CHL1: variants seen among roughly 807,000 people sequenced by gnomAD.
The protein encoded by CHL1 is cell adhesion molecule L1 like.
Under a neutral mutation model 141.9 loss-of-function variants are expected in CHL1, and 96 were observed. The ratio of observed to expected loss-of-function variants is 0.68; its 90% CI spans 0.57 to 0.80. The LOEUF (loss-of-function observed/expected upper bound fraction) is 0.80. Among genes scored for constraint, CHL1 ranks in the 30% least tolerant of loss-of-function variants. The pLI is 0.00. For missense variants in CHL1, 1,820 were observed against 1,457.2 expected, an observed-to-expected ratio of 1.25 and a Z score of -4.05; for synonymous variants, 613 against 502.2, an observed-to-expected ratio of 1.22 and a Z score of -2.95.
At chr3:285,778 T>C (rs1697073509) in intron 2 of CHL1, among the ~76,000 whole-genome samples, 1 of 152,130 alleles carries the variant, frequency 6.6e-6, no homozygotes, top group Admixed American at 6.5e-5. Flanking sequence ...CCCTCAGAAG[T>C]GACCTAAAAC....
intron 1 of CHL1, among the ~76,000 whole-genome samples, chr3:215,453 A>G (rs568719889): frequency 5.3e-5 from 8 of 152,330 alleles, no homozygotes; most frequent in African/African-American, 1.9e-4. Context: ...TAAAATTACA[A>G]TTAGACAGGA....
intron 1 of CHL1, among the ~76,000 whole-genome samples, chr3:236,862 T>TA (rs568637185): frequency 3.1e-4 from 44 of 141,412 alleles, no homozygotes; most frequent in Middle Eastern, 3.5e-3. Context: ...AGAGAGTTTT[T>TA]AAAAAATAAT....
rs554950358 is a variant in CHL1, at chr3:369,666, G to A, written c.1751+3551G>A. Among the ~76,000 whole-genome samples the A allele has an allele frequency of 2.6e-5, 4 of 152,280 alleles. No individual in the cohort carries two copies. The South Asian group carries it at 8.3e-4, about 32-fold the overall frequency. On this transcript the variant is annotated intron_variant, in intron 15 of 27. Coordinates refer to ENST00000256509, the MANE Select transcript of CHL1 (RefSeq NM_006614.4). Reference sequence around the variant, plus strand: ...AGGAGTGGTGAGAGAGGGCATCCTTGTCTTGTACTAGTTTGCCAAGGGAAT... The same window carrying A: ...AGGAGTGGTGAGAGAGGGCATCCTTATCTTGTACTAGTTTGCCAAGGGAAT...
chr3:395,358 C>A lies in CHL1; in HGVS notation c.3094+486C>A, dbSNP rs150928063. Reference sequence around the variant, plus strand: ...CTGTCTGATGATGGATGCCAAGCAACTGTCTGGGAAATGGCTTATAAATGT... The same window carrying A: ...CTGTCTGATGATGGATGCCAAGCAAATGTCTGGGAAATGGCTTATAAATGT... On this transcript the variant is annotated intron_variant, in intron 24 of 27. Transcript: ENST00000256509. Among the ~76,000 whole-genome samples, 268 of 152,302 alleles carry A rather than the reference C, an allele frequency of 1.8e-3. 1 individual carries two copies. Among genetic ancestry groups the A allele is most frequent in the African/African-American group, 5.6e-3 (234 of 41,568 alleles).
Position 332,628 on chromosome 3 carries a change from A to G in CHL1, c.385+4274A>G, listed in dbSNP as rs1194186895. 3.9e-5 allele frequency among the ~76,000 whole-genome samples: 6 copies of G among 152,268 alleles called. No homozygotes were observed. In the East Asian group the frequency reaches 1.2e-3, roughly 29 times the overall value. ...AAGTGGACATTTCTGAGTTACTGAG[A>G]TATTTTAGAATCAGACCAGTGACAT... On this transcript the variant is annotated intron_variant, in intron 5 of 27. Transcript: ENST00000256509.
At chr3:389,611 A>AT (rs1163444311) in intron 20 of CHL1, 137 bp downstream of exon 20, 2 of 656,506 alleles carry the variant, frequency 3.0e-6, no homozygotes, top group Non-Finnish European at 5.3e-6. Flanking sequence ...AAAAACAAAT[A>AT]TAACACATGA....
At chr3:381,284 G>C (rs935386644) in intron 16 of CHL1, among the ~76,000 whole-genome samples, 4 of 152,160 alleles carry the variant, frequency 2.6e-5, no homozygotes, top group African/African-American at 9.7e-5. Context: ...GAACACAGTG[G>C]AGACATGGGC....
At chr3:266,502 C>G (rs1695165785) in intron 2 of CHL1, among the ~76,000 whole-genome samples, 1 of 152,132 alleles carries the variant, frequency 6.6e-6, no homozygotes, top group Admixed American at 6.5e-5. Context: ...CAAACTGACT[C>G]CTTTCCTGAG....
chr3:388,709 T>A (rs549620941), intron 19 of CHL1, among the ~76,000 whole-genome samples: 130 of 152,242 alleles, frequency 8.5e-4, no homozygotes, highest in African/African-American at 3.0e-3. Context: ...TGTTTTTTTG[T>A]ATTAAAATAT....
In CHL1 at chr3:382,288, G is replaced by A. The variant is rs368119322; in HGVS notation, c.1978+8G>A. On this transcript the variant is annotated splice_region_variant and intron_variant, in intron 17 of 27. Transcript: ENST00000256509. ...ACAACAGCAATATTAGCGGTAGGAA[G>A]ACTTGGGATAACTGTTTTCATTACT... is the stretch of plus-strand genomic sequence containing the variant. 8 of 1,610,186 alleles carry A rather than the reference G, an allele frequency of 5.0e-6. No individual in the cohort carries two copies. The highest frequency in any genetic ancestry group is 3.3e-4 in the Middle Eastern group (2 of 6,066).
At position 405,757 on chromosome 3, in the gene CHL1, T is replaced by C; in HGVS notation, c.*46T>C. On this transcript the variant is annotated 3_prime_UTR_variant, in exon 28 of 28. Coordinates refer to ENST00000256509, the MANE Select transcript of CHL1 (RefSeq NM_006614.4). ...GCTACTGGTTCACCCCAACCTTCCA[T>C]ATTTATCTGTTCAAAGGAGCAAGAA... The C allele has an allele frequency of 7.0e-7, 1 of 1,422,290 alleles. No individual in the cohort carries two copies. The highest frequency in any genetic ancestry group is 9.9e-7 in the Non-Finnish European group (1 of 1,008,718). 88.1% of individuals were successfully genotyped at this position (1,422,290 alleles called of 1,614,324 possible).
At chr3:326,167 T>C (rs1283339356) in intron 4 of CHL1, 103 bp downstream of exon 4, 1 of 653,588 alleles carries the variant, frequency 1.5e-6, no homozygotes, top group East Asian at 3.1e-5. Context: ...AATCCACGCA[T>C]GATTAAAGCT....
chr3:228,995 T>C (rs979961719), intron 1 of CHL1, among the ~76,000 whole-genome samples: 12 of 152,202 alleles, frequency 7.9e-5, no homozygotes, highest in Non-Finnish European at 1.3e-4. Context: ...CTTTAATACA[T>C]TGTGCAGCCT....
At chr3:371,195 C>A (rs181384508) in intron 15 of CHL1, among the ~76,000 whole-genome samples, 1 of 152,236 alleles carries the variant, frequency 6.6e-6, no homozygotes, top group African/African-American at 2.4e-5. Flanking sequence ...CTAATATTGA[C>A]AGTGGGTTGT....
intron 27 of CHL1, among the ~76,000 whole-genome samples, chr3:404,577 G>T (rs1177942582): frequency 3.3e-5 from 5 of 152,046 alleles, no homozygotes; most frequent in Non-Finnish European, 5.9e-5. Flanking sequence ...ACTTATTTAT[G>T]TTCTTAAAAT....
Position 223,333 on chromosome 3 carries a change from A to T in CHL1, c.-174-21280A>T, listed in dbSNP as rs1021394579. ...TGCACTATGAAGTTAATATTAGAAG[A>T]TAAACATCCTCTAAATATTATCTTA... On this transcript the variant is annotated intron_variant, in intron 1 of 27. Transcript: ENST00000256509. Among the ~76,000 whole-genome samples, 2 of 152,216 alleles carry T rather than the reference A, an allele frequency of 1.3e-5. 1 individual carries two copies. Among genetic ancestry groups the T allele is most frequent in the East Asian group, 3.9e-4 (2 of 5,194 alleles).
intron 3 of CHL1, among the ~76,000 whole-genome samples, chr3:325,311 A>G (rs1247953441): frequency 6.6e-6 from 1 of 152,042 alleles, no homozygotes; most frequent in African/African-American, 2.4e-5. Context: ...ATTTGTGTAT[A>G]TATTCTGTGG....
chr3:336,193 G>T (rs1701848165), intron 5 of CHL1, among the ~76,000 whole-genome samples: 1 of 152,112 alleles, frequency 6.6e-6, no homozygotes, highest in Non-Finnish European at 1.5e-5. Context: ...GGTAACACAT[G>T]CTACAGATGA....
At chr3:318,529 GT>G in intron 2 of CHL1, among the ~76,000 whole-genome samples, 1 of 151,380 alleles carries the variant, frequency 6.6e-6, no homozygotes, top group Admixed American at 6.6e-5. Flanking sequence ...TTAACACAAT[GT>G]TTCAGAAAAA....
Sources: gnomAD v4.1 joint callset for allele counts (sites outside exome capture counted in the v4.1 genomes callset) on GRCh38, gnomAD v4.1.1 for gene constraint, MANE v1.5 for transcripts, NCBI Gene and HGNC (gene_info 2026-07-23, HGNC 2026-07-21) for gene names.